Variants in USP7 observed in about 807,000 individuals in gnomAD.
The protein encoded by USP7 is ubiquitin C-terminal hydrolase 7.
A neutral mutation model predicts 162.9 loss-of-function variants in USP7; 9 were observed. That is an observed-to-expected ratio of 0.06 (90% CI 0.03 to 0.10). The LOEUF (loss-of-function observed/expected upper bound fraction) is 0.10. Among genes scored for constraint, USP7 ranks in the 10% least tolerant of loss-of-function variants. The pLI is 1.00. For synonymous variants in USP7, 562 were observed against 475.9 expected, an observed-to-expected ratio of 1.18 and a Z score of -2.35; for missense variants, 715 against 1,373.7, an observed-to-expected ratio of 0.52 and a Z score of 7.58.
chr16:8,942,902 G>A (rs916878181), intron 1 of USP7, among the ~76,000 whole-genome samples: 2 of 152,178 alleles, frequency 1.3e-5, no homozygotes, highest in Non-Finnish European at 2.9e-5. Context: ...TCATTAGGCT[G>A]GCTGGAAAGC....
At position 8,892,884 on chromosome 16, in the gene USP7, G is replaced by A. The variant is rs1196058244; in HGVS notation, c.*1114C>T. The stretch of plus-strand genomic sequence containing the variant: ...CACAGAAACAACCCAAAAAATACCG[G>A]AAAAGGATGAAAAATAAGAGTGATT... On this transcript the variant is annotated 3_prime_UTR_variant, in exon 31 of 31. Coordinates refer to ENST00000344836, the MANE Select transcript of USP7 (RefSeq NM_003470.3). 2.0e-5 allele frequency: 3 copies of A among 152,056 alleles called. No individual in the cohort carries two copies. The highest frequency in any genetic ancestry group is 1.9e-4 in the East Asian group (1 of 5,204). The allele number at this position is 152,056 out of a possible 1,614,324, so 9.4% of individuals were successfully genotyped here. A position where few individuals can be genotyped will look rare whatever the true frequency, so the allele number is the denominator to read the frequency against.
chr16:8,894,746 A>G (rs770161637), intron 29 of USP7, 38 bp downstream of exon 29: 5 of 1,613,948 alleles, frequency 3.1e-6, no homozygotes, highest in Non-Finnish European at 2.5e-6. Context: ...GCTTGAGCCT[A>G]TGGCCCGCCA....
Position 8,893,933 on chromosome 16 carries a change from A to G in USP7, c.*65T>C. On this transcript the variant is annotated 3_prime_UTR_variant, in exon 31 of 31. Coordinates refer to ENST00000344836, the MANE Select transcript of USP7 (RefSeq NM_003470.3). ...ACTTCGGCTAGAGGGCACGTGCACC[A>G]AAGTTCTAGGCTGTTAAGGGGCCAC... 1 of 1,463,634 alleles carries G rather than the reference A, an allele frequency of 6.8e-7. No individual in the cohort carries two copies. Among genetic ancestry groups the G allele is most frequent in the Non-Finnish European group, 9.6e-7 (1 of 1,044,116 alleles). 90.7% of individuals were successfully genotyped at this position (1,463,634 alleles called of 1,614,324 possible). A position where few individuals can be genotyped will look rare whatever the true frequency, so the allele number is the denominator to read the frequency against.
intron 3 of USP7, 104 bp downstream of exon 3, chr16:8,923,111 A>G (rs1344456611): frequency 1.8e-6 from 1 of 561,522 alleles, no homozygotes; most frequent in Non-Finnish European, 2.7e-6. Context: ...CACGTATTTA[A>G]TCTAATTTAA....
chr16:8,928,069 G>C (rs1281062174), intron 2 of USP7, among the ~76,000 whole-genome samples: 2 of 152,198 alleles, frequency 1.3e-5, no homozygotes, highest in African/African-American at 4.8e-5. Context: ...AGTAGATACA[G>C]TAAAAGATAA....
At position 8,963,427 on chromosome 16, in the gene USP7, G is replaced by T. The variant is rs1900104656; in HGVS notation, c.-142C>A. 6.7e-6 allele frequency: 1 copy of T among 148,954 alleles called. No homozygotes were observed. The highest frequency in any genetic ancestry group is 2.5e-5 in the African/African-American group (1 of 40,086). The allele number at this position is 148,954 out of a possible 1,614,324, so 9.2% of individuals were successfully genotyped here. On this transcript the variant is annotated 5_prime_UTR_variant, in exon 1 of 31. Coordinates refer to ENST00000344836, the MANE Select transcript of USP7 (RefSeq NM_003470.3). ...CCTCCTCCCGCGCGTCGTCGGCGAC[G>T]GCGGCCCCGGGGCGGCCCGCGGCGG...
chr16:8,909,880 C>A (rs1014170584), intron 11 of USP7, among the ~76,000 whole-genome samples: 1 of 152,008 alleles, frequency 6.6e-6, no homozygotes, highest in Non-Finnish European at 1.5e-5. Context: ...GAGTCGAGAT[C>A]GCGCCACTGC....
chr16:8,955,178 TA>T (rs1206120288), intron 1 of USP7, among the ~76,000 whole-genome samples: 2 of 152,244 alleles, frequency 1.3e-5, no homozygotes, highest in African/African-American at 4.8e-5. Flanking sequence ...ACATTTGTTG[TA>T]TTTAATAAAC....
intron 1 of USP7, among the ~76,000 whole-genome samples, chr16:8,941,091 T>C (rs571426302): frequency 3.9e-5 from 6 of 152,182 alleles, no homozygotes; most frequent in Non-Finnish European, 7.3e-5. Flanking sequence ...CTGCCCATGT[T>C]TGCCAAGGAG....
intron 8 of USP7, among the ~76,000 whole-genome samples, chr16:8,915,761 G>C (rs1897338326): frequency 6.6e-6 from 1 of 152,188 alleles, no homozygotes; most frequent in African/African-American, 2.4e-5. Context: ...GAATAAATTA[G>C]TAATCTGTAG....
chr16:8,943,986 G>A (rs957412593), intron 1 of USP7, among the ~76,000 whole-genome samples: 1 of 152,122 alleles, frequency 6.6e-6, no homozygotes, highest in African/African-American at 2.4e-5. Context: ...TAAGGTGCGG[G>A]GGAGGCAGTA....
At position 8,897,698 on chromosome 16, in the gene USP7, C is replaced by CCAA. The variant is rs1555461632; in HGVS notation, c.2719-600_2719-599insTTG. 7.0e-4 allele frequency among the ~76,000 whole-genome samples: 25 copies of CCAA among 35,600 alleles called. 6 individuals are homozygous for CCAA. The highest frequency in any genetic ancestry group is 2.9e-3 in the African/African-American group (24 of 8,420). The allele number at this position is 35,600 out of a possible 152,430, so 23.4% of individuals were successfully genotyped here. ...GCAATATAGTGAGACCCTGTCTCTACAAAAAAAAAAAAAAAAAAAAAAAAA... is the reference window on the plus strand; with the variant it reads ...GCAATATAGTGAGACCCTGTCTCTACCAAAAAAAAAAAAAAAAAAAAAAAAAAA... On this transcript the variant is annotated intron_variant, in intron 25 of 30. Coordinates refer to ENST00000344836, the MANE Select transcript of USP7 (RefSeq NM_003470.3).
chr16:8,894,165 G>C, intron 30 of USP7, 61 bp from the exon 31 acceptor site: 2 of 1,480,706 alleles, frequency 1.4e-6, no homozygotes, highest in Non-Finnish European at 1.9e-6. Context: ...CCTCAGCGGG[G>C]TGGTGGCCAG....
intron 1 of USP7, among the ~76,000 whole-genome samples, chr16:8,945,055 C>T (rs1003321960): frequency 2.6e-5 from 4 of 152,184 alleles, no homozygotes; most frequent in African/African-American, 9.7e-5. Flanking sequence ...AGTTCAAGAC[C>T]AGCCTGACCA....
chr16:8,936,652 G>A (rs1193750635), intron 1 of USP7: 2 of 1,552,420 alleles, frequency 1.3e-6, no homozygotes, highest in Non-Finnish European at 1.7e-6. Flanking sequence ...TGGGGGATGG[G>A]GGAGGTTCTC....
intron 1 of USP7, chr16:8,936,865 AC>A: frequency 1.4e-6 from 1 of 739,820 alleles, no homozygotes; most frequent in Non-Finnish European, 1.8e-6. Flanking sequence ...ACTTTGGTTA[AC>A]AACATACCAA....
At chr16:8,935,122 C>G (rs1403747451) in intron 1 of USP7, among the ~76,000 whole-genome samples, 1 of 152,020 alleles carries the variant, frequency 6.6e-6, no homozygotes, top group African/African-American at 2.4e-5. Context: ...TGATGTAATA[C>G]CAAGTTTTAT....
chr16:8,937,282 C>A (rs569188556), intron 1 of USP7, among the ~76,000 whole-genome samples: 46 of 152,280 alleles, frequency 3.0e-4, no homozygotes, highest in Middle Eastern at 3.4e-3. Flanking sequence ...GGGTGGCTCA[C>A]GCCTGTAATC....
intron 26 of USP7, 104 bp from the exon 27 acceptor site, chr16:8,895,845 T>G (rs2061673336): frequency 4.9e-6 from 4 of 816,458 alleles, no homozygotes; most frequent in South Asian, 1.8e-5. Context: ...ATATGTTTTT[T>G]TTTTTTTTTT....
Sources: gnomAD v4.1 joint callset for allele counts (sites outside exome capture counted in the v4.1 genomes callset) on GRCh38, gnomAD v4.1.1 for gene constraint, MANE v1.5 for transcripts, NCBI Gene and HGNC (gene_info 2026-07-23, HGNC 2026-07-21) for gene names.